The following MARCHF1 variants were observed in gnomAD, a reference collection of about 807,000 sequenced individuals.
The protein encoded by MARCHF1 is E3 ubiquitin-protein ligase MARCHF1.
MARCHF1 carries 40 observed loss-of-function variants against 54.2 expected under a neutral mutation model. The ratio of observed to expected loss-of-function variants is 0.74; its 90% CI spans 0.57 to 0.96. The LOEUF (loss-of-function observed/expected upper bound fraction) is 0.96, where lower values mean the gene tolerates loss of function less well. Among genes scored for constraint, MARCHF1 ranks in the 40% least tolerant of loss-of-function variants. The pLI is 0.00. For synonymous variants in MARCHF1, 236 were observed against 236.3 expected, an observed-to-expected ratio of 1.00 and a Z score of 0.01; for missense variants, 586 against 656.5, an observed-to-expected ratio of 0.89 and a Z score of 1.17.
intron 2 of MARCHF1, among the ~76,000 whole-genome samples, chr4:164,110,188 T>C (rs1231906334): frequency 2.0e-5 from 3 of 150,840 alleles, no homozygotes; most frequent in South Asian, 2.1e-4. Context: ...ATTTAACAAA[T>C]TGAGAATTGA....
At chr4:163,829,368 T>C (rs1341278014) in intron 4 of MARCHF1, among the ~76,000 whole-genome samples, 3 of 152,144 alleles carry the variant, frequency 2.0e-5, no homozygotes, top group Non-Finnish European at 2.9e-5. Flanking sequence ...TTTTAGTTAA[T>C]ATAAAAACCA....
At chr4:164,290,209 T>C (rs1189648988) in intron 1 of MARCHF1, among the ~76,000 whole-genome samples, 2 of 152,004 alleles carry the variant, frequency 1.3e-5, no homozygotes, top group African/African-American at 4.8e-5. Flanking sequence ...CCTTGGCACC[T>C]TGGATAGTCC....
At position 163,988,626 on chromosome 4, in the gene MARCHF1, C is replaced by T. The variant is rs1479577178; in HGVS notation, c.-164G>A. The T allele has an allele frequency of 1.3e-5, 2 of 152,196 alleles. No homozygotes were observed. The highest frequency in any genetic ancestry group is 2.4e-5 in the African/African-American group (1 of 41,440). 9.4% of individuals were successfully genotyped at this position (152,196 alleles called of 1,614,324 possible). On this transcript the variant is annotated 5_prime_UTR_variant, in exon 3 of 10. Coordinates refer to ENST00000514618, the MANE Select transcript of MARCHF1 (RefSeq NM_001394959.1). ...TTGGCAGGGCTGCAGGTGGCCAATC[C>T]CTGATTGGATGCCTTATCTCTTCAC...
intron 4 of MARCHF1, among the ~76,000 whole-genome samples, chr4:163,703,275 G>A (rs941993204): frequency 2.0e-5 from 3 of 151,304 alleles, no homozygotes; most frequent in Non-Finnish European, 4.4e-5. Context: ...TTGCAATTCT[G>A]CCTTTGATTC....
intron 2 of MARCHF1, among the ~76,000 whole-genome samples, chr4:164,101,345 G>A (rs1389169397): frequency 6.9e-6 from 1 of 144,446 alleles, no homozygotes. Context: ...AGTAACCTCT[G>A]CAGACTTAAA....
intron 1 of MARCHF1, among the ~76,000 whole-genome samples, chr4:164,325,792 G>C (rs1735265254): frequency 6.6e-6 from 1 of 151,816 alleles, no homozygotes; most frequent in Non-Finnish European, 1.5e-5. Flanking sequence ...ATAGAAATAT[G>C]ATAGAAACAT....
chr4:164,316,754 TG>T (rs1219402528), intron 1 of MARCHF1, among the ~76,000 whole-genome samples: 1 of 152,118 alleles, frequency 6.6e-6, no homozygotes, highest in Non-Finnish European at 1.5e-5. Context: ...AGAGGCTGGG[TG>T]GAAGGAGATT....
At chr4:163,833,576 TC>T (rs1486120864) in intron 4 of MARCHF1, among the ~76,000 whole-genome samples, 2 of 152,142 alleles carry the variant, frequency 1.3e-5, no homozygotes, top group Non-Finnish European at 2.9e-5. Context: ...CAGACACTTC[TC>T]AAAAGAAGAC....
At chr4:163,919,341 G>A (rs959313424) in intron 3 of MARCHF1, among the ~76,000 whole-genome samples, 10 of 151,552 alleles carry the variant, frequency 6.6e-5, no homozygotes, top group Non-Finnish European at 1.5e-4. Flanking sequence ...TAACACAACA[G>A]GAAAATGAAT....
intron 1 of MARCHF1, among the ~76,000 whole-genome samples, chr4:164,115,732 A>AT (rs1335704282): frequency 6.6e-6 from 1 of 152,098 alleles, no homozygotes; most frequent in Non-Finnish European, 1.5e-5. Context: ...TGATAATTCA[A>AT]ATGTTTCAAT....
At chr4:163,910,527 T>C (rs13135017) in intron 3 of MARCHF1, among the ~76,000 whole-genome samples, 151,563 of 152,318 alleles carry the variant, frequency 1, 75,408 homozygotes, top group Middle Eastern at 1. Flanking sequence ...GATAGAGTTT[T>C]GCTCTTGTCC....
intron 5 of MARCHF1, among the ~76,000 whole-genome samples, chr4:163,660,558 C>G (rs1003901033): frequency 6.7e-6 from 1 of 150,348 alleles, no homozygotes; most frequent in Non-Finnish European, 1.5e-5. Context: ...TATCCCAGAA[C>G]TTAAAGTAAA....
chr4:163,983,833 G>A (rs1451659944), intron 3 of MARCHF1, among the ~76,000 whole-genome samples: 1 of 152,076 alleles, frequency 6.6e-6, no homozygotes, highest in Admixed American at 6.6e-5. Context: ...AAAAGGTTAA[G>A]TTGTCTTAAC....
chr4:164,215,191 T>G (rs1197184391), intron 1 of MARCHF1, among the ~76,000 whole-genome samples: 2 of 152,172 alleles, frequency 1.3e-5, no homozygotes, highest in Admixed American at 1.3e-4. Flanking sequence ...AAGGTTTTAC[T>G]GTGTGGAAGT....
intron 1 of MARCHF1, chr4:164,188,666 T>A: frequency 9.1e-7 from 1 of 1,100,190 alleles, no homozygotes; most frequent in East Asian, 2.3e-5. Flanking sequence ...TGACGCCAAG[T>A]GGCTCATCGG....
rs545420529 is a variant in MARCHF1, at chr4:163,553,398, C to T, written c.1192-7655G>A. Among the ~76,000 whole-genome samples the T allele has an allele frequency of 1.8e-4, 27 of 152,222 alleles. 1 individual carries two copies. The highest frequency in any genetic ancestry group is 9.6e-4 in the East Asian group (5 of 5,188). The stretch of plus-strand genomic sequence containing the variant: ...ATTTGTTCAGGCAGAATTAAGTCAG[C>T]GAAAGCACCTGTTCCCCACTTCTGT... On this transcript the variant is annotated intron_variant, in intron 8 of 9. Coordinates refer to ENST00000514618, the MANE Select transcript of MARCHF1 (RefSeq NM_001394959.1).
At chr4:164,367,993 T>A (rs1012803004) in intron 1 of MARCHF1, among the ~76,000 whole-genome samples, 1 of 149,236 alleles carries the variant, frequency 6.7e-6, no homozygotes, top group Admixed American at 6.7e-5. Flanking sequence ...GAAGTACACA[T>A]CAGAAAAGAT....
intron 4 of MARCHF1, among the ~76,000 whole-genome samples, chr4:163,774,027 C>A (rs945122062): frequency 3.3e-4 from 51 of 152,240 alleles, no homozygotes; most frequent in Admixed American, 2.4e-3. Flanking sequence ...CTTAAGAATG[C>A]ACATACAATT....
chr4:164,183,592 G>A (rs925025334), intron 1 of MARCHF1, among the ~76,000 whole-genome samples: 3 of 152,160 alleles, frequency 2.0e-5, no homozygotes, highest in African/African-American at 4.8e-5. Flanking sequence ...TTTTCTTCCA[G>A]AAGTTTTGTT....
Sources: allele counts gnomAD v4.1 joint callset (sites outside exome capture counted in the v4.1 genomes callset), GRCh38; gene constraint gnomAD v4.1.1; transcripts MANE v1.5; gene names NCBI Gene and HGNC (gene_info 2026-07-23, HGNC 2026-07-21).